Variants in TEP1 observed in about 807,000 individuals in gnomAD.
The protein encoded by TEP1 is telomerase protein component 1.
In TEP1, 241 loss-of-function variants were observed where a neutral mutation model predicts 306.3. The ratio of observed to expected loss-of-function variants is 0.79; its 90% confidence interval spans 0.71 to 0.88. The LOEUF is 0.88. Among genes scored for constraint, TEP1 ranks in the 40% least tolerant of loss-of-function variants. TEP1 has a pLI of 0.00. For synonymous variants in TEP1, 1,289 were observed against 1,305.5 expected, an observed-to-expected ratio of 0.99 and a Z score of 0.27; for missense variants, 3,051 against 3,276.1, an observed-to-expected ratio of 0.93 and a Z score of 1.68.
chr14:20,401,667 C>A, intron 7 of TEP1, 86 bp from the exon 8 acceptor site: 6 of 1,546,402 alleles, frequency 3.9e-6, no homozygotes, highest in Non-Finnish European at 5.3e-6. Context: ...GTAAGACCAT[C>A]CGATCCCTAT....
rs1879185668 is a variant in TEP1, at chr14:20,406,466, T to C, written c.568-66A>G. 5.1e-6 allele frequency: 8 copies of C among 1,565,382 alleles called. No homozygotes were observed. In the East Asian group the frequency reaches 1.6e-4, roughly 31 times the overall value. On this transcript the variant is annotated intron_variant, in intron 2 of 54. Coordinates refer to ENST00000262715, the MANE Select transcript of TEP1 (RefSeq NM_007110.5). ...ACAGCCCCTCAAAGCCAGATGGATCTGAAGGCAGCACCAGGCCACGGGAAA... is the reference window on the plus strand; with the variant it reads ...ACAGCCCCTCAAAGCCAGATGGATCCGAAGGCAGCACCAGGCCACGGGAAA...
chr14:20,403,714 G>A lies in TEP1; in HGVS notation c.1194+9C>T, dbSNP rs1566481370. 6.2e-7 allele frequency: 1 copy of A among 1,613,320 alleles called. No individual in the cohort carries two copies. The highest frequency in any genetic ancestry group is 8.5e-7 in the Non-Finnish European group (1 of 1,180,008). On this transcript the variant is annotated intron_variant, in intron 6 of 54. Coordinates refer to ENST00000262715, the MANE Select transcript of TEP1 (RefSeq NM_007110.5). Reference sequence around the variant, plus strand: ...GGGGCGTGGGTCGAGGGCTGGGGCAGTGACTGACTGGAGAGCGGGGTGGCC... The same window carrying A: ...GGGGCGTGGGTCGAGGGCTGGGGCAATGACTGACTGGAGAGCGGGGTGGCC...
chr14:20,400,392 C>T (rs543706766), intron 9 of TEP1, among the ~76,000 whole-genome samples: 3 of 150,798 alleles, frequency 2.0e-5, no homozygotes, highest in East Asian at 3.9e-4. Flanking sequence ...TTGAGACCAG[C>T]CTGGGCAACA....
At chr14:20,385,366 T>C (rs78092551) in intron 20 of TEP1, among the ~76,000 whole-genome samples, 1,697 of 152,282 alleles carry the variant, frequency 0.011, 36 homozygotes, top group African/African-American at 0.039. Flanking sequence ...TGATTTTTTT[T>C]TATTTTTTAT....
At chr14:20,411,663 G>A (rs1879687707) in intron 1 of TEP1, among the ~76,000 whole-genome samples, 2 of 150,266 alleles carry the variant, frequency 1.3e-5, no homozygotes, top group South Asian at 4.2e-4. Context: ...TCTGGTAAAA[G>A]CTATGGAGCT....
chr14:20,372,966 G>C, intron 48 of TEP1, 45 bp downstream of exon 48: 2 of 1,613,776 alleles, frequency 1.2e-6, no homozygotes, highest in South Asian at 2.2e-5. Flanking sequence ...TACACAGCCA[G>C]GGTAGAATTC....
intron 18 of TEP1, among the ~76,000 whole-genome samples, chr14:20,386,938 CT>C (rs879342544): frequency 1.2e-3 from 170 of 145,626 alleles, no homozygotes; most frequent in Middle Eastern, 3.6e-3. Context: ...GAAACGATAA[CT>C]TTTTTTTTTT....
intron 1 of TEP1, among the ~76,000 whole-genome samples, chr14:20,410,251 C>G (rs998794099): frequency 3.3e-5 from 5 of 152,142 alleles, no homozygotes; most frequent in Admixed American, 3.3e-4. Flanking sequence ...CCTCCTACCA[C>G]CACCTTTGTT....
chr14:20,372,922 C>T (rs1884937181), intron 48 of TEP1, 65 bp from the exon 49 acceptor site: 1 of 1,613,336 alleles, frequency 6.2e-7, no homozygotes, highest in African/African-American at 1.3e-5. Context: ...CTTTTCCCTC[C>T]CAGGCACATA....
Position 20,367,615 on chromosome 14 carries a change from CTT to C in TEP1, c.*820_*821del, listed in dbSNP as rs879743976. The C allele has an allele frequency of 3.5e-4, 49 of 138,280 alleles. No individual in the cohort carries two copies. Among genetic ancestry groups the C allele is most frequent in the Non-Finnish European group, 4.0e-4 (25 of 63,052 alleles). The allele number at this position is 138,280 out of a possible 1,614,324, so 8.6% of individuals were successfully genotyped here. ...CTCCTCACCTCTCATCTGGGTAGTTCTTTTTTTTTTTTTTTAGACAGAGTCTC... is the reference window on the plus strand; with the variant it reads ...CTCCTCACCTCTCATCTGGGTAGTTCTTTTTTTTTTTTTAGACAGAGTCTC... On this transcript the variant is annotated 3_prime_UTR_variant, in exon 55 of 55. Coordinates refer to ENST00000262715, the MANE Select transcript of TEP1 (RefSeq NM_007110.5).
chr14:20,387,877 T>C (rs1877334841), intron 18 of TEP1, 28 bp downstream of exon 18: 1 of 1,558,786 alleles, frequency 6.4e-7, no homozygotes, highest in East Asian at 2.3e-5. Context: ...CCCTCCCAAT[T>C]CACAAAGGCA....
rs1876792180 is a variant in TEP1 at position 20,383,579 on chromosome 14, T to C, written c.3776A>G (p.Gln1259Arg). 1 of 1,614,126 alleles carries C rather than the reference T, an allele frequency of 6.2e-7. No individual in the cohort carries two copies. Among genetic ancestry groups the C allele is most frequent in the Non-Finnish European group, 8.5e-7 (1 of 1,180,016 alleles). ...PKSAESLHPG[Q>R]TQVLIIDGAD... ...CCCATCGATGATCAGGACCTGGGTCTGGCCAGGATGCAGGGACTCAGCAGA... is the reference window on the plus strand; with the variant it reads ...CCCATCGATGATCAGGACCTGGGTCCGGCCAGGATGCAGGGACTCAGCAGA... The change falls in exon 26 of 55, where the codon CAG (glutamine) becomes CGG (arginine). Residue 1259 changes from glutamine to arginine, a missense_variant. Gln to Arg is a conservative substitution (Grantham distance 43). This residue lies in a region of TEP1 where 1,540 missense variants were observed against 1,705.9 expected (regional missense o/e 0.90). Transcript: ENST00000262715.
At position 20,404,215 on chromosome 14, in the gene TEP1, C is replaced by T. The variant is rs542576560; in HGVS notation, c.1033-331G>A. On this transcript the variant is annotated intron_variant, in intron 5 of 54. Transcript: ENST00000262715. ...ACTAACAATATAAAAATTAGCCAGG[C>T]GTGGTGGCGCACGCCTGTAATCCCA... Among the ~76,000 whole-genome samples, 56 of 152,142 alleles carry T rather than the reference C, an allele frequency of 3.7e-4. 2 individuals carry two copies. In the South Asian group the frequency reaches 9.4e-3, roughly 25 times the overall value.
intron 49 of TEP1, among the ~76,000 whole-genome samples, chr14:20,372,403 T>G (rs1884902897): frequency 6.9e-6 from 1 of 145,118 alleles, no homozygotes; most frequent in Admixed American, 6.9e-5. Context: ...TGTGTGTGTG[T>G]GTGTGTGTGT....
At chr14:20,393,357 C>G (rs910801927) in intron 12 of TEP1, among the ~76,000 whole-genome samples, 2 of 152,076 alleles carry the variant, frequency 1.3e-5, no homozygotes, top group African/African-American at 4.8e-5. Context: ...TTTAATCTAG[C>G]AAAATCAGTA....
rs892764092 is a variant in TEP1, at chr14:20,380,820, ATC to A, written c.4762+109_4762+110del. On this transcript the variant is annotated intron_variant, in intron 33 of 54. Coordinates refer to ENST00000262715, the MANE Select transcript of TEP1 (RefSeq NM_007110.5). ...TTTTCAACTCGAAATGGAAATTTGA[ATC>A]TTTTTTCCCTGACACCCACACCCCT... The A allele has an allele frequency of 6.1e-5, 57 of 927,686 alleles. No homozygotes were observed. The African/African-American group carries it at 9.0e-4, about 15-fold the overall frequency. The allele number at this position is 927,686 out of a possible 1,614,324, so 57.5% of individuals were successfully genotyped here.
chr14:20,406,116 G>C, intron 3 of TEP1, 117 bp downstream of exon 3: 3 of 881,152 alleles, frequency 3.4e-6, no homozygotes, highest in Non-Finnish European at 5.2e-6. Flanking sequence ...AGAAATAAGA[G>C]CTAGGTTGTA....
intron 1 of TEP1, among the ~76,000 whole-genome samples, chr14:20,412,681 T>C (rs961978004): frequency 1.5e-4 from 7 of 47,902 alleles, no homozygotes; most frequent in African/African-American, 3.6e-4. Flanking sequence ...CACTCTTTCC[T>C]TTTTTTTTTT....
In TEP1 at chr14:20,379,237, C is replaced by G. The variant is rs1337518260; in HGVS notation, c.5128-132G>C. The G allele has an allele frequency of 7.3e-6, 9 of 1,228,742 alleles. No homozygotes were observed. In the East Asian group the frequency reaches 1.9e-4, roughly 26 times the overall value. The allele number at this position is 1,228,742 out of a possible 1,614,324, so 76.1% of individuals were successfully genotyped here. ...GTCCTTGGCTCTCTATGTTCCAAGT[C>G]AAGCACACGTTCAAGTGGGGGCCTC... On this transcript the variant is annotated intron_variant, in intron 35 of 54. Transcript: ENST00000262715.
Sources: gnomAD v4.1 joint callset for allele counts (sites outside exome capture counted in the v4.1 genomes callset) on GRCh38, gnomAD v4.1.1 for gene constraint, gnomAD v4.1.1 regional missense constraint, MANE v1.5 for transcripts, NCBI Gene and HGNC (gene_info 2026-07-23, HGNC 2026-07-21) for gene names.